Variants in FBXL13 observed in about 807,000 individuals in gnomAD.
The protein encoded by FBXL13 is F-box and leucine rich repeat protein 13.
In FBXL13, 67 loss-of-function variants were observed where a neutral mutation model predicts 83.6. The observed-to-expected ratio is 0.80, with a 90% confidence interval of 0.66 to 0.98. The LOEUF (loss-of-function observed/expected upper bound fraction) is 0.98. Ranked by LOEUF, FBXL13 falls within the 50% of genes least tolerant of loss-of-function variation. FBXL13 has a pLI of 0.00. For missense variants in FBXL13, 822 were observed against 866.5 expected (o/e 0.95, Z 0.64); for synonymous variants, 272 against 299.5 (o/e 0.91, Z 0.95).
At chr7:102,940,729 A>G (rs1221090404) in intron 8 of FBXL13, among the ~76,000 whole-genome samples, 1 of 152,208 alleles carries the variant, frequency 6.6e-6, no homozygotes, top group African/African-American at 2.4e-5. Context: ...TTGCTAAGCA[A>G]AGCCTCTGGC....
intron 8 of FBXL13, among the ~76,000 whole-genome samples, chr7:102,958,254 GA>G (rs756681519): frequency 1.3e-3 from 202 of 152,148 alleles, no homozygotes; most frequent in Non-Finnish European, 2.5e-3. Context: ...GATAAAGCTG[GA>G]AACCATCATT....
intron 11 of FBXL13, among the ~76,000 whole-genome samples, chr7:102,893,891 GAGGA>G (rs1027549829): frequency 2.0e-5 from 3 of 149,050 alleles, no homozygotes; most frequent in South Asian, 2.1e-4. Flanking sequence ...AAAAGAAAGA[GAGGA>G]AGGAAGGGAG....
At chr7:103,074,646 T>C (rs1799474739), upstream of FBXL13, 1 of 1,276,636 alleles carries the variant, frequency 7.8e-7, no homozygotes, top group Non-Finnish European at 1.0e-6. Flanking sequence ...CTCCTCCCCC[T>C]TCTAACTCCC....
At chr7:102,900,571 C>T (rs777092925) in intron 11 of FBXL13, among the ~76,000 whole-genome samples, 54 of 152,180 alleles carry the variant, frequency 3.5e-4, no homozygotes, top group Admixed American at 1.3e-4. Context: ...TTTTGTACTA[C>T]ACCCAGAGCT....
At chr7:102,876,500 A>C (rs1809284668) in intron 16 of FBXL13, among the ~76,000 whole-genome samples, 1 of 151,734 alleles carries the variant, frequency 6.6e-6, no homozygotes. Context: ...AAAGGAAAGA[A>C]CCTAGACCAA....
chr7:102,917,271 C>T (rs17397797), intron 10 of FBXL13, among the ~76,000 whole-genome samples: 1,991 of 152,206 alleles, frequency 0.013, 21 homozygotes, highest in Middle Eastern at 0.031. Context: ...CATGATAGTT[C>T]CTGATAATAA....
At chr7:103,023,769 T>C (rs1475681889) in intron 6 of FBXL13, among the ~76,000 whole-genome samples, 1 of 152,148 alleles carries the variant, frequency 6.6e-6, no homozygotes, top group African/African-American at 2.4e-5. Context: ...GTGGTATATA[T>C]ATACATTGAA....
chr7:103,064,683 C>T (rs558647727), intron 1 of FBXL13, among the ~76,000 whole-genome samples: 1 of 152,310 alleles, frequency 6.6e-6, no homozygotes, highest in South Asian at 2.1e-4. Flanking sequence ...TTTGTTATAC[C>T]TCCCATCATG....
chr7:103,009,293 A>T (rs1791331968), intron 6 of FBXL13, among the ~76,000 whole-genome samples: 1 of 152,072 alleles, frequency 6.6e-6, no homozygotes, highest in Non-Finnish European at 1.5e-5. Flanking sequence ...GTGAACACTG[A>T]CCCTGCAGGC....
chr7:102,926,877 A>G (rs1393340682), intron 9 of FBXL13, among the ~76,000 whole-genome samples: 3 of 152,194 alleles, frequency 2.0e-5, no homozygotes, highest in Non-Finnish European at 2.9e-5. Flanking sequence ...TGGTTCTGTT[A>G]ACTAAATATT....
chr7:102,898,734 G>A (rs1310109264), intron 11 of FBXL13, among the ~76,000 whole-genome samples: 4 of 152,096 alleles, frequency 2.6e-5, no homozygotes, highest in Admixed American at 6.6e-5. Context: ...ATTGCTCTGC[G>A]GTCAATCACA....
intron 1 of FBXL13, among the ~76,000 whole-genome samples, chr7:103,062,406 T>A (rs971233002): frequency 9.2e-5 from 14 of 152,162 alleles, no homozygotes; most frequent in Admixed American, 7.9e-4. Flanking sequence ...CCTATCTTAA[T>A]AATCTCTTTC....
At chr7:102,813,176 G>A, downstream of FBXL13, 3 of 670,750 alleles carry the variant, frequency 4.5e-6, no homozygotes, top group Non-Finnish European at 7.4e-6. Context: ...TTAGACAGAA[G>A]AACTACTGAT....
intron 1 of FBXL13, among the ~76,000 whole-genome samples, chr7:103,059,448 CA>C (rs1306451843): frequency 6.6e-6 from 1 of 152,116 alleles, no homozygotes; most frequent in Non-Finnish European, 1.5e-5. Flanking sequence ...ATAAAAATCA[CA>C]AAACCATTAA....
chr7:102,934,053 G>T lies in FBXL13; in HGVS notation c.725-2120C>A, dbSNP rs773077767. ...CGGAGAGGCTCCAACCCGGTCAAACGCTACGCACCAGGCCTCCCGTGTGAC... is the reference window on the plus strand; with the variant it reads ...CGGAGAGGCTCCAACCCGGTCAAACTCTACGCACCAGGCCTCCCGTGTGAC... On this transcript the variant is annotated intron_variant, in intron 8 of 19. Transcript: ENST00000313221. The T allele has an allele frequency of 4.3e-6, 7 of 1,614,126 alleles. No homozygotes were observed. In the Admixed American group the frequency reaches 1.2e-4, roughly 27 times the overall value.
chr7:102,893,978 GAAAGAGGAAAGAAAGAAAGAGGAAAGA>G (rs1811921254), intron 11 of FBXL13, among the ~76,000 whole-genome samples: 2 of 121,374 alleles, frequency 1.6e-5, no homozygotes, highest in African/African-American at 7.1e-5. Context: ...AAGAAAGAAA[GAAAGAGGAAAGAAAGAAAGAGGAAAGA>G]AAAGAAAGAG....
At chr7:102,834,099 AAAG>A (rs1441854751) in intron 17 of FBXL13, among the ~76,000 whole-genome samples, 1,807 of 96,400 alleles carry the variant, frequency 0.019, 49 homozygotes, top group Non-Finnish European at 0.021. Flanking sequence ...AGAAAGAAAG[AAAG>A]AAAGAAAGAA....
rs1308416668 is a variant in FBXL13, at chr7:102,877,489, G to A, written c.1613C>T (p.Ser538Phe). The change falls in exon 16 of 20, where the codon TCT (serine) becomes TTT (phenylalanine). Residue 538 changes from serine (S) to phenylalanine (F), a missense_variant. Physicochemically the swap from Ser to Phe is radical, Grantham distance 155. Transcript: ENST00000313221. The stretch of plus-strand genomic sequence containing the variant: ...TACCTCATTAGAGATGTCTGTTCCA[G>A]AGAGATCTATTGATACCAAGGAAAA... 2.5e-6 allele frequency: 4 copies of A among 1,608,020 alleles called. No individual in the cohort carries two copies. The South Asian group carries it at 4.5e-5, about 18-fold the overall frequency.
chr7:102,826,578 A>G (rs945419142), intron 18 of FBXL13, among the ~76,000 whole-genome samples: 5 of 151,022 alleles, frequency 3.3e-5, no homozygotes, highest in Non-Finnish European at 7.4e-5. Flanking sequence ...TCTACAAAAA[A>G]TACAAAAATT....
Sources: allele counts gnomAD v4.1 joint callset (sites outside exome capture counted in the v4.1 genomes callset), GRCh38; gene constraint gnomAD v4.1.1; transcripts MANE v1.5; gene names NCBI Gene and HGNC (gene_info 2026-07-23, HGNC 2026-07-21).